The following MAP3K4 variants were observed in gnomAD, a reference collection of about 807,000 sequenced individuals.
The protein encoded by MAP3K4 is MAP three kinase 1.
MAP3K4 carries 67 observed loss-of-function variants against 185.6 expected under a neutral mutation model. That is an observed-to-expected ratio of 0.36 (90% CI 0.30 to 0.44). The LOEUF is 0.44. Ranked by LOEUF, MAP3K4 falls within the 20% of genes least tolerant of loss-of-function variation. The pLI, the probability that MAP3K4 is intolerant of heterozygous loss-of-function variation, is 1.00. For missense variants in MAP3K4, 1,551 were observed against 1,995.1 expected (o/e 0.78, Z 4.24); for synonymous variants, 702 against 710.4 (o/e 0.99, Z 0.19).
chr6:161,020,114 CT>C (rs1407950381), intron 1 of MAP3K4, among the ~76,000 whole-genome samples: 1 of 152,206 alleles, frequency 6.6e-6, no homozygotes, highest in African/African-American at 2.4e-5. Context: ...GCATCTGACA[CT>C]TATATCCTTT....
chr6:160,999,821 G>T (rs1168254509), intron 1 of MAP3K4, among the ~76,000 whole-genome samples: 1 of 152,140 alleles, frequency 6.6e-6, no homozygotes, highest in East Asian at 1.9e-4. Context: ...GGATGAATTG[G>T]ACTCAACAGG....
intron 2 of MAP3K4, among the ~76,000 whole-genome samples, chr6:161,041,398 C>G (rs547059626): frequency 6.6e-6 from 1 of 152,124 alleles, no homozygotes; most frequent in South Asian, 2.1e-4. Flanking sequence ...CTAACCCTGC[C>G]GAGGCCCAGG....
At chr6:161,060,768 C>T (rs898648585) in intron 3 of MAP3K4, among the ~76,000 whole-genome samples, 5 of 151,778 alleles carry the variant, frequency 3.3e-5, no homozygotes, top group South Asian at 2.1e-4. Context: ...TACAGGCATG[C>T]GCCACCACGC....
rs1781670780 is a variant in MAP3K4, at chr6:161,007,948, A to G, written c.152+15865A>G. 6.6e-6 allele frequency among the ~76,000 whole-genome samples: 1 copy of G among 152,240 alleles called. No individual in the cohort carries two copies. The highest frequency in any genetic ancestry group is 2.4e-5 in the African/African-American group (1 of 41,464). On this transcript the variant is annotated intron_variant, in intron 1 of 26. Transcript: ENST00000392142. The surrounding 1 kb of genome is among the most constrained non-coding windows in gnomAD (Gnocchi z 4.5). ...AATTAGGGAAAAACGTGTGTTTTAAAATCAGTGAAGTATGGCCTTGACTCT... is the reference window on the plus strand; with the variant it reads ...AATTAGGGAAAAACGTGTGTTTTAAGATCAGTGAAGTATGGCCTTGACTCT...
At chr6:161,035,413 A>G (rs183764343) in intron 2 of MAP3K4, among the ~76,000 whole-genome samples, 52 of 152,134 alleles carry the variant, frequency 3.4e-4, no homozygotes, top group Admixed American at 1.8e-3. Flanking sequence ...GATGGCTGTT[A>G]GTGGCATCTT....
chr6:160,997,476 T>C (rs1781052272), intron 1 of MAP3K4, among the ~76,000 whole-genome samples: 1 of 152,194 alleles, frequency 6.6e-6, no homozygotes, highest in South Asian at 2.1e-4. Context: ...TTAAATAGTG[T>C]TTAGTGACAT....
At chr6:161,113,383 C>A (rs1013281866) in intron 25 of MAP3K4, among the ~76,000 whole-genome samples, 1 of 152,166 alleles carries the variant, frequency 6.6e-6, no homozygotes, top group South Asian at 2.1e-4. Flanking sequence ...AACAGAGAGA[C>A]GAGTAAGTGG....
In MAP3K4 at chr6:161,080,790, CT is replaced by C. The variant is rs1409799125; in HGVS notation, c.2098-88del. On this transcript the variant is annotated intron_variant, in intron 5 of 26. Coordinates refer to ENST00000392142, the MANE Select transcript of MAP3K4 (RefSeq NM_005922.4). This position sits in a 1 kb window ranked among gnomAD's most constrained non-coding sequence, Gnocchi z 4.8. ...TGTGACAGCCCCCGGCCCGCCCCCA[CT>C]TTACCCTGCTGATGTGTAGCTTTCA... 3.6e-5 allele frequency: 45 copies of C among 1,233,860 alleles called. No individual in the cohort carries two copies. The African/African-American group carries it at 6.6e-4, about 18-fold the overall frequency. The allele number at this position is 1,233,860 out of a possible 1,614,324, so 76.4% of individuals were successfully genotyped here. A position where few individuals can be genotyped will look rare whatever the true frequency, so the allele number is the denominator to read the frequency against.
chr6:161,077,457 G>A lies in MAP3K4; in HGVS notation c.2098-3424G>A, dbSNP rs1785232263. On this transcript the variant is annotated intron_variant, in intron 5 of 26. Coordinates refer to ENST00000392142, the MANE Select transcript of MAP3K4 (RefSeq NM_005922.4). This position sits in a 1 kb window ranked among gnomAD's most constrained non-coding sequence, Gnocchi z 4.3. ...CTTATAAAGAGAGGGATCAAGAGAA[G>A]CCCCTTTTTGGTAGCAGGTGCGGTC... 6.6e-6 allele frequency among the ~76,000 whole-genome samples: 1 copy of A among 152,160 alleles called. No individual in the cohort carries two copies.
chr6:161,027,046 A>C (rs918783540), intron 1 of MAP3K4, among the ~76,000 whole-genome samples: 1 of 152,100 alleles, frequency 6.6e-6, no homozygotes, highest in South Asian at 2.1e-4. Flanking sequence ...TCTATGAGTG[A>C]AACAGAAGAC....
At chr6:161,012,521 C>T (rs1334813734) in intron 1 of MAP3K4, among the ~76,000 whole-genome samples, 1 of 152,110 alleles carries the variant, frequency 6.6e-6, no homozygotes, top group Non-Finnish European at 1.5e-5. Flanking sequence ...CTATAATCTA[C>T]CTATATGCTA....
chr6:161,093,775 T>G lies in MAP3K4; in HGVS notation c.3351T>G (p.Ser1117Arg), dbSNP rs1279626234. ...ISALPEDDFL[S>R]LQALMNECIG... The stretch of plus-strand genomic sequence containing the variant: ...TCCCATTTTCTTTTGGTTTCTAGAG[T>G]TTACAAGCCTTGATGAATGAATGCA... The change falls in exon 15 of 27, where the codon AGT becomes AGG. Residue 1117 changes from serine (S) to arginine (R), a missense_variant and splice_region_variant. Physicochemically the swap from Ser to Arg is moderately radical, Grantham distance 110. Around this residue, in one of 16 missense-constraint regions of MAP3K4, gnomAD observed 272 missense variants for 301.2 expected, o/e 0.90. Transcript: ENST00000392142. The surrounding 1 kb of genome is among the most constrained non-coding windows in gnomAD (Gnocchi z 5.2). The G allele has an allele frequency of 5.0e-6, 8 of 1,609,072 alleles. No individual in the cohort carries two copies. The highest frequency in any genetic ancestry group is 5.9e-6 in the Non-Finnish European group (7 of 1,176,830).
chr6:161,030,433 TTTTG>T (rs879897166), intron 1 of MAP3K4, among the ~76,000 whole-genome samples: 7 of 152,000 alleles, frequency 4.6e-5, no homozygotes, highest in East Asian at 1.9e-4. Flanking sequence ...TCTTTGGTAT[TTTTG>T]TTTGTTTGTT....
intron 1 of MAP3K4, among the ~76,000 whole-genome samples, chr6:161,026,224 G>A (rs560839733): frequency 1.3e-5 from 2 of 151,904 alleles, no homozygotes; most frequent in Non-Finnish European, 2.9e-5. Context: ...TCTGCCTCCT[G>A]GGTTCATGCC....
intron 1 of MAP3K4, among the ~76,000 whole-genome samples, chr6:161,014,763 A>G (rs1205628300): frequency 6.6e-6 from 1 of 152,212 alleles, no homozygotes; most frequent in African/African-American, 2.4e-5. Context: ...TTGAGATACA[A>G]TTCATATGTC....
rs557403339 is a variant in MAP3K4, at chr6:161,079,407, G to A, written c.2098-1474G>A. Among the ~76,000 whole-genome samples the A allele has an allele frequency of 4.0e-5, 6 of 151,738 alleles. No individual in the cohort carries two copies. In the South Asian group the frequency reaches 8.3e-4, roughly 21 times the overall value. ...AGCCTGACCAACATGGAGAAACCCC[G>A]TCTCGGCTAAAAATACGAAATTAGC... is the stretch of plus-strand genomic sequence containing the variant. On this transcript the variant is annotated intron_variant, in intron 5 of 26. Coordinates refer to ENST00000392142, the MANE Select transcript of MAP3K4 (RefSeq NM_005922.4).
At position 161,049,869 on chromosome 6, in the gene MAP3K4, G is replaced by A. The variant is rs1783923678; in HGVS notation, c.1597G>A (p.Ala533Thr). The A allele has an allele frequency of 6.2e-7, 1 of 1,614,004 alleles. No homozygotes were observed. Among genetic ancestry groups the A allele is most frequent in the African/African-American group, 1.3e-5 (1 of 74,902 alleles). Residue 533 changes from alanine to threonine, a missense_variant, in exon 3 of 27, where the codon GCA becomes ACA. This residue lies in a region of MAP3K4 where 1 missense variants were observed against 18.4 expected (regional missense o/e 0.05). Transcript: ENST00000392142. This position sits in a 1 kb window ranked among gnomAD's most constrained non-coding sequence, Gnocchi z 8.4. Reference protein sequence around the residue: ...TSIYRPFVDKALKQMGLRKLI... With the variant: ...TSIYRPFVDKTLKQMGLRKLI... ...TATTTATAGACCATTTGTAGACAAA[G>A]CACTGAAGCAGATGGGGTTAAGAAA...
At position 160,991,784 on chromosome 6, in the gene MAP3K4, G is replaced by C; in HGVS notation, c.-148G>C. ...TAGCCCCGGCGCTCGGCCGGTCGCC[G>C]TTTCCAAGATGGCCGCGGCGCGCAC... On this transcript the variant is annotated 5_prime_UTR_variant, in exon 1 of 27. Transcript: ENST00000392142. The surrounding 1 kb of genome is among the most constrained non-coding windows in gnomAD (Gnocchi z 5.7). The C allele has an allele frequency of 1.1e-6, 1 of 929,676 alleles. No homozygotes were observed. The highest frequency in any genetic ancestry group is 2.5e-5 in the South Asian group (1 of 40,100). 57.6% of individuals were successfully genotyped at this position (929,676 alleles called of 1,614,324 possible).
At chr6:161,092,204 A>G in intron 13 of MAP3K4, 61 bp downstream of exon 13, 1 of 1,586,972 alleles carries the variant, frequency 6.3e-7, no homozygotes, top group Non-Finnish European at 8.6e-7. Context: ...ATTTGTTCAT[A>G]TATGTTCTGT....
Sources: gnomAD v4.1 joint callset for allele counts (sites outside exome capture counted in the v4.1 genomes callset) on GRCh38, gnomAD v4.1.1 for gene constraint, gnomAD v4.1.1 regional missense constraint, Gnocchi (gnomAD v3.1) non-coding constraint, MANE v1.5 for transcripts, NCBI Gene and HGNC (gene_info 2026-07-23, HGNC 2026-07-21) for gene names.